Variants in MYT1L observed in about 807,000 individuals in gnomAD.
MYT1L encodes the protein myelin transcription factor 1-like protein.
A neutral mutation model predicts 126.7 loss-of-function variants in MYT1L; 12 were observed. The ratio of observed to expected loss-of-function variants is 0.09; its 90% CI spans 0.06 to 0.15. MYT1L has a LOEUF of 0.15. Among genes scored for constraint, MYT1L ranks in the 10% least tolerant of loss-of-function variants. MYT1L has a pLI of 1.00. For synonymous variants in MYT1L, 541 were observed against 604.2 expected, an observed-to-expected ratio of 0.90 and a Z score of 1.53; for missense variants, 979 against 1,585.2, an observed-to-expected ratio of 0.62 and a Z score of 6.49.
At chr2:1,896,901 A>G (rs2049655599) in intron 14 of MYT1L, among the ~76,000 whole-genome samples, 1 of 152,234 alleles carries the variant, frequency 6.6e-6, no homozygotes, top group Admixed American at 6.5e-5. Context: ...ATCTTACTTG[A>G]ATCACCTTAA....
chr2:2,214,169 A>G (rs2093610537), intron 2 of MYT1L, among the ~76,000 whole-genome samples: 1 of 152,120 alleles, frequency 6.6e-6, no homozygotes, highest in African/African-American at 2.4e-5. Context: ...ATAAATGAAC[A>G]AAATATCAGT....
At chr2:2,297,713 T>C (rs1466276059) in intron 1 of MYT1L, among the ~76,000 whole-genome samples, 9 of 152,134 alleles carry the variant, frequency 5.9e-5, no homozygotes, top group Non-Finnish European at 1.2e-4. Context: ...GTGTCCTTTC[T>C]ACAGCATGAA....
At chr2:2,233,282 C>G (rs762194772) in intron 2 of MYT1L, among the ~76,000 whole-genome samples, 1 of 152,170 alleles carries the variant, frequency 6.6e-6, no homozygotes, top group African/African-American at 2.4e-5. Context: ...GCCAGGACGA[C>G]AGGATCCAAA....
At chr2:2,044,973 C>G (rs905442138) in intron 4 of MYT1L, among the ~76,000 whole-genome samples, 8 of 152,110 alleles carry the variant, frequency 5.3e-5, no homozygotes, top group African/African-American at 1.9e-4. Context: ...GATGATGGCA[C>G]AAGTAGGAGG....
At chr2:1,967,347 G>A (rs941388829) in intron 8 of MYT1L, among the ~76,000 whole-genome samples, 13 of 152,100 alleles carry the variant, frequency 8.5e-5, no homozygotes, top group Admixed American at 5.2e-4. Context: ...GCGTCCCTGG[G>A]GCAGTACCCA....
At chr2:1,951,197 G>T (rs896109081) in intron 8 of MYT1L, among the ~76,000 whole-genome samples, 13 of 152,288 alleles carry the variant, frequency 8.5e-5, no homozygotes, top group African/African-American at 3.1e-4. Flanking sequence ...ACCTCTAGAA[G>T]GGCTGAAGTG....
intron 2 of MYT1L, among the ~76,000 whole-genome samples, chr2:2,270,041 C>T (rs955940410): frequency 6.6e-6 from 1 of 152,120 alleles, no homozygotes; most frequent in African/African-American, 2.4e-5. Flanking sequence ...GTGGGTGGGG[C>T]GTGTGGAGAG....
chr2:2,328,221 A>G (rs963863029), intron 1 of MYT1L, among the ~76,000 whole-genome samples: 34 of 152,224 alleles, frequency 2.2e-4, no homozygotes, highest in Non-Finnish European at 4.9e-4. Flanking sequence ...TCCCTAATCT[A>G]TTAAACATTG....
chr2:1,935,400 T>C (rs538154051), intron 9 of MYT1L, among the ~76,000 whole-genome samples: 3 of 152,266 alleles, frequency 2.0e-5, no homozygotes, highest in African/African-American at 7.2e-5. Flanking sequence ...TTAATATACA[T>C]GATATACTTG....
chr2:1,925,481 G>A (rs945812699), intron 9 of MYT1L, among the ~76,000 whole-genome samples: 6 of 152,170 alleles, frequency 3.9e-5, no homozygotes, highest in Non-Finnish European at 7.3e-5. Flanking sequence ...TCAGCAGCAC[G>A]TAGTTAAGAA....
chr2:2,317,271 C>T (rs114845990), intron 1 of MYT1L, among the ~76,000 whole-genome samples: 1 of 152,128 alleles, frequency 6.6e-6, no homozygotes, highest in Non-Finnish European at 1.5e-5. Context: ...TGCATTTGCA[C>T]GTCTCTGCAA....
intron 2 of MYT1L, among the ~76,000 whole-genome samples, chr2:2,262,231 T>C (rs1020407149): frequency 1.1e-4 from 16 of 152,232 alleles, no homozygotes; most frequent in Non-Finnish European, 2.1e-4. Context: ...GTGTGTTTTA[T>C]CTATTTCTTA....
In MYT1L at chr2:1,917,036, T is replaced by C. The variant is rs536191733; in HGVS notation, c.1618+169A>G. 9.8e-5 allele frequency among the ~76,000 whole-genome samples: 15 copies of C among 152,286 alleles called. No homozygotes were observed. The highest frequency in any genetic ancestry group is 1.9e-4 in the East Asian group (1 of 5,168). ...GCACCACTCTCCTGGGGCTGTGCCATTGGCATGCCCACGAATCCTGGATCA... is the reference window on the plus strand; with the variant it reads ...GCACCACTCTCCTGGGGCTGTGCCACTGGCATGCCCACGAATCCTGGATCA... On this transcript the variant is annotated intron_variant, in intron 11 of 24. Coordinates refer to ENST00000647738, the MANE Select transcript of MYT1L (RefSeq NM_001303052.2). This position sits in a 1 kb window ranked among gnomAD's most constrained non-coding sequence, Gnocchi z 5.9.
At chr2:1,840,459 T>C (rs1324130890) in intron 20 of MYT1L, among the ~76,000 whole-genome samples, 1 of 152,192 alleles carries the variant, frequency 6.6e-6, no homozygotes, top group Non-Finnish European at 1.5e-5. Context: ...TTCCCAAGAA[T>C]TCAGCTGCTT....
chr2:2,218,255 C>T (rs184902056), intron 2 of MYT1L, among the ~76,000 whole-genome samples: 23 of 152,178 alleles, frequency 1.5e-4, no homozygotes, highest in African/African-American at 4.3e-4. Flanking sequence ...CATACAGAAA[C>T]GTTTACATTA....
intron 4 of MYT1L, among the ~76,000 whole-genome samples, chr2:2,026,173 C>A (rs1393580965): frequency 6.6e-6 from 1 of 152,202 alleles, no homozygotes. Flanking sequence ...ATTAAACACA[C>A]CTCTTAAAAC....
At chr2:2,144,149 A>G (rs1194886520) in intron 3 of MYT1L, among the ~76,000 whole-genome samples, 3 of 152,162 alleles carry the variant, frequency 2.0e-5, no homozygotes, top group Non-Finnish European at 4.4e-5. Context: ...AGAAAAACCA[A>G]TGTGCGTTGG....
chr2:2,250,576 G>T (rs1490318623), intron 2 of MYT1L, among the ~76,000 whole-genome samples: 1 of 140,874 alleles, frequency 7.1e-6, no homozygotes. Context: ...AAAAAAAAAA[G>T]GACAAATAAG....
chr2:2,218,179 C>T lies in MYT1L; in HGVS notation c.-420-45191G>A, dbSNP rs73913263. ...GCAGTTTGTTATAAAAGTAAGCTTA[C>T]TCCTGCTCTATGAACTTGTCATTTC... On this transcript the variant is annotated intron_variant, in intron 2 of 24. Coordinates refer to ENST00000647738, the MANE Select transcript of MYT1L (RefSeq NM_001303052.2). Among the ~76,000 whole-genome samples, 1,419 of 152,268 alleles carry T rather than the reference C, an allele frequency of 9.3e-3. 23 individuals carry two copies. Among genetic ancestry groups the T allele is most frequent in the African/African-American group, 0.029 (1,201 of 41,546 alleles).
Sources: allele counts gnomAD v4.1 joint callset (sites outside exome capture counted in the v4.1 genomes callset), GRCh38; gene constraint gnomAD v4.1.1; non-coding constraint Gnocchi (gnomAD v3.1); transcripts MANE v1.5; gene names NCBI Gene and HGNC (gene_info 2026-07-23, HGNC 2026-07-21).